ELOVL2: variants seen among roughly 807,000 people sequenced by gnomAD.
ELOVL2 encodes the protein very long chain fatty acid elongase 2.
ELOVL2 carries 38 observed loss-of-function variants against 37.7 expected under a neutral mutation model. That is an observed-to-expected ratio of 1.01 (90% confidence interval 0.78 to 1.32). ELOVL2 has a LOEUF of 1.32. Among genes scored for constraint, ELOVL2 ranks in the 40% most tolerant of loss-of-function variants. ELOVL2 has a pLI of 0.00. For synonymous variants in ELOVL2, 115 were observed against 122.3 expected (o/e 0.94, Z 0.40); for missense variants, 352 against 363.6 (o/e 0.97, Z 0.26).
chr6:11,043,489 G>C (rs1783142000), intron 1 of ELOVL2: 1 of 50,068 alleles, frequency 2.0e-5, no homozygotes, highest in Admixed American at 2.8e-4. Context: ...CACACACACA[G>C]CTTACTGCCG....
chr6:11,000,684 G>A (rs1435740397), intron 3 of ELOVL2, among the ~76,000 whole-genome samples: 2 of 152,128 alleles, frequency 1.3e-5, no homozygotes, highest in African/African-American at 4.8e-5. Flanking sequence ...AAACAATTTG[G>A]TGGTTAATTG....
At chr6:11,001,425 G>T (rs759462840) in intron 3 of ELOVL2, among the ~76,000 whole-genome samples, 49 of 152,192 alleles carry the variant, frequency 3.2e-4, no homozygotes, top group Non-Finnish European at 6.5e-4. Context: ...GGGAATCAGC[G>T]ACTGGCTAGA....
intron 7 of ELOVL2, among the ~76,000 whole-genome samples, chr6:10,986,579 A>G (rs9379996): frequency 0.53 from 80,571 of 151,678 alleles, 22,381 homozygotes; most frequent in East Asian, 0.9. Flanking sequence ...ATTTTGTCAA[A>G]GGCCTTTTCT....
chr6:10,990,240 CTCTGACT>C (rs1204270028), intron 6 of ELOVL2, 71 bp downstream of exon 6: 19 of 1,555,078 alleles, frequency 1.2e-5, no homozygotes, highest in Non-Finnish European at 1.6e-5. Flanking sequence ...ATAAAAAGCC[CTCTGACT>C]TCTAAGATTT....
intron 3 of ELOVL2, among the ~76,000 whole-genome samples, chr6:11,004,472 T>C (rs1385573686): frequency 1.3e-4 from 19 of 151,908 alleles, no homozygotes; most frequent in Admixed American, 1.2e-3. Context: ...TCCCCTTCCT[T>C]TACATTAAAA....
intron 1 of ELOVL2, among the ~76,000 whole-genome samples, chr6:11,011,128 G>A (rs189976702): frequency 1.3e-5 from 2 of 152,226 alleles, no homozygotes; most frequent in East Asian, 1.9e-4. Flanking sequence ...ACTTTGGGAG[G>A]CTGAGGCAGG....
intron 1 of ELOVL2, among the ~76,000 whole-genome samples, chr6:11,024,437 A>G (rs985344404): frequency 2.6e-5 from 4 of 152,208 alleles, no homozygotes; most frequent in African/African-American, 9.7e-5. Flanking sequence ...AAGTAAATAT[A>G]ATCATTTTAA....
chr6:10,996,030 A>G (rs996403874), intron 4 of ELOVL2, among the ~76,000 whole-genome samples: 1 of 152,232 alleles, frequency 6.6e-6, no homozygotes, highest in South Asian at 2.1e-4. Flanking sequence ...GGAGGTCATG[A>G]TAACACATCC....
chr6:10,983,618 C>G lies in ELOVL2; in HGVS notation c.*163G>C. The G allele has an allele frequency of 1.3e-6, 1 of 769,764 alleles. No homozygotes were observed. Among genetic ancestry groups the G allele is most frequent in the Non-Finnish European group, 2.0e-6 (1 of 511,508 alleles). The allele number at this position is 769,764 out of a possible 1,614,324, so 47.7% of individuals were successfully genotyped here. Reference sequence around the variant, plus strand: ...AATGCTGATCAAAGCATTCAGTTAACAGATTAACCTAATAGCAATATATTA... The same window carrying G: ...AATGCTGATCAAAGCATTCAGTTAAGAGATTAACCTAATAGCAATATATTA... On this transcript the variant is annotated 3_prime_UTR_variant, in exon 8 of 8. Coordinates refer to ENST00000354666, the MANE Select transcript of ELOVL2 (RefSeq NM_017770.4).
At chr6:11,030,102 C>T (rs1782899478) in intron 1 of ELOVL2, among the ~76,000 whole-genome samples, 1 of 152,170 alleles carries the variant, frequency 6.6e-6, no homozygotes, top group Non-Finnish European at 1.5e-5. Flanking sequence ...CTCTCTCTTT[C>T]CACACATGAG....
intron 1 of ELOVL2, among the ~76,000 whole-genome samples, chr6:11,011,473 A>G (rs970114430): frequency 1.3e-5 from 2 of 152,230 alleles, no homozygotes; most frequent in African/African-American, 2.4e-5. Flanking sequence ...CCTTGTTACA[A>G]TAACAGTTGT....
intron 4 of ELOVL2, among the ~76,000 whole-genome samples, chr6:10,998,950 CTCTT>C (rs1782324488): frequency 2.0e-5 from 3 of 152,132 alleles, no homozygotes; most frequent in Non-Finnish European, 1.5e-5. Context: ...TTATTGGTAT[CTCTT>C]TTTTTCCATG....
intron 1 of ELOVL2, among the ~76,000 whole-genome samples, chr6:11,022,443 AAGAC>A (rs1255953357): frequency 1.3e-5 from 2 of 152,212 alleles, no homozygotes; most frequent in Admixed American, 1.3e-4. Context: ...TGGCGTGAAA[AAGAC>A]AGACCAGAAT....
At position 10,991,290 on chromosome 6, in the gene ELOVL2, G is replaced by A. The variant is rs554526421; in HGVS notation, c.506-848C>T. ...TTTCATCAGTACATGAAAGTGCTTA[G>A]AACAATGCTTGGCACAAAGTGAATG... On this transcript the variant is annotated intron_variant, in intron 5 of 7. Coordinates refer to ENST00000354666, the MANE Select transcript of ELOVL2 (RefSeq NM_017770.4). Among the ~76,000 whole-genome samples the A allele has an allele frequency of 5.9e-5, 9 of 152,336 alleles. No individual in the cohort carries two copies. The South Asian group carries it at 1.7e-3, about 28-fold the overall frequency.
Position 11,035,379 on chromosome 6 carries a change from C to T in ELOVL2, c.3+8849G>A, listed in dbSNP as rs141063480. On this transcript the variant is annotated intron_variant, in intron 1 of 7. Transcript: ENST00000354666. ...CTCAGAGATTCTCATTCTGTAGGTC[C>T]GACCTCACGTAGCCTAGGAATGTGC... Among the ~76,000 whole-genome samples the T allele has an allele frequency of 1.9e-3, 291 of 152,290 alleles. 5 individuals are homozygous for T. Among genetic ancestry groups the T allele is most frequent in the East Asian group, 0.01 (52 of 5,184 alleles).
At chr6:11,019,905 G>A (rs530153506) in intron 1 of ELOVL2, among the ~76,000 whole-genome samples, 43 of 151,852 alleles carry the variant, frequency 2.8e-4, no homozygotes, top group African/African-American at 9.9e-4. Context: ...CACCACGCCC[G>A]GCCAATTTTT....
intron 7 of ELOVL2, 86 bp from the exon 8 acceptor site, chr6:10,983,992 T>C: frequency 8.1e-7 from 1 of 1,238,498 alleles, no homozygotes; most frequent in Non-Finnish European, 1.1e-6. Context: ...GTTAAAACAG[T>C]ATGTGATTTT....
Position 11,010,914 on chromosome 6 carries a change from G to A in ELOVL2, c.4-105C>T, listed in dbSNP as rs1163321568. 5.9e-6 allele frequency: 5 copies of A among 840,386 alleles called. No individual in the cohort carries two copies. The Admixed American group carries it at 1.2e-4, about 20-fold the overall frequency. 52.1% of individuals were successfully genotyped at this position (840,386 alleles called of 1,614,324 possible). A position where few individuals can be genotyped will look rare whatever the true frequency, so the allele number is the denominator to read the frequency against. On this transcript the variant is annotated intron_variant, in intron 1 of 7. Transcript: ENST00000354666. Reference sequence around the variant, plus strand: ...CATGTAACTGACAGACTTTCAAAGGGTCCCAGCTTCAAGGACTTTTGACTG... The same window carrying A: ...CATGTAACTGACAGACTTTCAAAGGATCCCAGCTTCAAGGACTTTTGACTG...
intron 1 of ELOVL2, among the ~76,000 whole-genome samples, chr6:11,036,952 A>G (rs1783015202): frequency 6.6e-6 from 1 of 150,728 alleles, no homozygotes; most frequent in Admixed American, 6.6e-5. Context: ...GAGAGGAGAG[A>G]GAGAAGGAGA....
Sources: allele counts gnomAD v4.1 joint callset (sites outside exome capture counted in the v4.1 genomes callset), GRCh38; gene constraint gnomAD v4.1.1; transcripts MANE v1.5; gene names NCBI Gene and HGNC (gene_info 2026-07-23, HGNC 2026-07-21).